The following PLEKHA2 variants were observed in gnomAD, a reference collection of about 807,000 sequenced individuals.
PLEKHA2 encodes the protein pleckstrin homology domain-containing family A member 2.
PLEKHA2 carries 28 observed loss-of-function variants against 53.2 expected under a neutral mutation model. That is an observed-to-expected ratio of 0.53 (90% CI 0.39 to 0.72). The LOEUF is 0.72. PLEKHA2 is among the 30% of genes least tolerant of loss of function. The pLI is 0.00. For synonymous variants in PLEKHA2, 193 were observed against 196.4 expected (o/e 0.98, Z 0.14); for missense variants, 426 against 537.9 (o/e 0.79, Z 2.06).
intron 2 of PLEKHA2, among the ~76,000 whole-genome samples, chr8:38,925,778 A>C (rs1181176850): frequency 6.6e-6 from 1 of 152,276 alleles, no homozygotes; most frequent in African/African-American, 2.4e-5. Flanking sequence ...ATAACACATA[A>C]TGTATAATGG....
In PLEKHA2 at chr8:38,952,337, T is replaced by C. The variant is rs548951623; in HGVS notation, c.633+25T>C. 1.1e-5 allele frequency: 17 copies of C among 1,608,334 alleles called. No homozygotes were observed. In the South Asian group the frequency reaches 1.4e-4, roughly 14 times the overall value. The stretch of plus-strand genomic sequence containing the variant: ...GGTGAGTGTCAGCACAGGGGCTGAA[T>C]TGGGGTTCTGGTGACTCCTCAGAGC... On this transcript the variant is annotated intron_variant, in intron 7 of 11. Transcript: ENST00000617275.
intron 2 of PLEKHA2, among the ~76,000 whole-genome samples, chr8:38,918,440 C>CATACCACACACACAT (rs1834105225): frequency 8.4e-6 from 1 of 119,042 alleles, no homozygotes. Context: ...ACCATACACA[C>CATACCACACACACAT]ACACAACCCA....
intron 2 of PLEKHA2, among the ~76,000 whole-genome samples, chr8:38,934,051 G>A (rs1417273745): frequency 6.6e-6 from 1 of 151,954 alleles, no homozygotes; most frequent in Non-Finnish European, 1.5e-5. Context: ...TTCAAGCGAT[G>A]TATGTTAATT....
At chr8:38,943,705 TTA>T (rs1272920543) in intron 3 of PLEKHA2, 82 bp from the exon 4 acceptor site, 1 of 1,082,144 alleles carries the variant, frequency 9.2e-7, no homozygotes, top group African/African-American at 1.6e-5. Flanking sequence ...AATGTACTCT[TTA>T]TATATGAGAA....
intron 11 of PLEKHA2, chr8:38,968,947 G>C (rs1835190860): frequency 2.7e-6 from 1 of 368,406 alleles, no homozygotes; most frequent in African/African-American, 2.2e-5. Flanking sequence ...CGCCCAGACT[G>C]GAGTGCAGTG....
At chr8:38,901,887 C>A (rs1280544743) in intron 1 of PLEKHA2, 5 of 152,372 alleles carry the variant, frequency 3.3e-5, no homozygotes, top group African/African-American at 1.2e-4. Flanking sequence ...CAGAGAACGT[C>A]CCCAGGCAAG....
At chr8:38,936,948 C>A (rs1376594914) in intron 3 of PLEKHA2, among the ~76,000 whole-genome samples, 5 of 152,356 alleles carry the variant, frequency 3.3e-5, no homozygotes, top group African/African-American at 1.2e-4. Context: ...CATCCCCTTT[C>A]ATCCTCAGGG....
chr8:38,911,468 C>T (rs1363711113), intron 1 of PLEKHA2, among the ~76,000 whole-genome samples: 3 of 152,138 alleles, frequency 2.0e-5, no homozygotes, highest in Non-Finnish European at 2.9e-5. Flanking sequence ...AACTCCTGAA[C>T]TCAAGTGATC....
intron 2 of PLEKHA2, among the ~76,000 whole-genome samples, chr8:38,928,236 C>CTTTTTTTTTTTT (rs11414317): frequency 3.6e-5 from 4 of 110,130 alleles, no homozygotes; most frequent in Non-Finnish European, 5.3e-5. Context: ...CTGACCTGGT[C>CTTTTTTTTTTTT]TTTTTTTTTT....
rs534982731 is a variant in PLEKHA2 at position 38,956,178 on chromosome 8, C to T, written c.774-1145C>T. Among the ~76,000 whole-genome samples, 13 of 152,296 alleles carry T rather than the reference C, an allele frequency of 8.5e-5. No individual in the cohort carries two copies. In the East Asian group the frequency reaches 2.3e-3, roughly 27 times the overall value. ...ATTCCCCGCAGTGGCTGGGGATATACGCGGCAGGCATTTAACACTGGGAAA... is the reference window on the plus strand; with the variant it reads ...ATTCCCCGCAGTGGCTGGGGATATATGCGGCAGGCATTTAACACTGGGAAA... On this transcript the variant is annotated intron_variant, in intron 9 of 11. Transcript: ENST00000617275.
chr8:38,951,425 A>G (rs1834837051), intron 6 of PLEKHA2, among the ~76,000 whole-genome samples: 1 of 151,652 alleles, frequency 6.6e-6, no homozygotes, highest in East Asian at 1.9e-4. Flanking sequence ...TGACAGAGAA[A>G]GGAAAGGTTT....
At position 38,943,800 on chromosome 8, in the gene PLEKHA2, T is replaced by C. The variant is rs772142843; in HGVS notation, c.210T>C (p.Ala70=). 2.5e-6 allele frequency: 4 copies of C among 1,577,452 alleles called. No homozygotes were observed. The highest frequency in any genetic ancestry group is 2.6e-6 in the Non-Finnish European group (3 of 1,160,952). The part of the protein sequence containing the change: ...QLTYISKVSI[A]TPKQKPKTPF... ...CTTATTTGATTTAGGTGAGCATAGCTACCCCAAAACAGAAACCAAAAACTC... is the reference window on the plus strand; with the variant it reads ...CTTATTTGATTTAGGTGAGCATAGCCACCCCAAAACAGAAACCAAAAACTC... The change falls in exon 4 of 12, where the codon GCT becomes GCC. Residue 70 remains alanine (A), a synonymous_variant. Transcript: ENST00000617275.
Position 38,936,065 on chromosome 8 carries a change from G to C in PLEKHA2, c.198+15G>C. On this transcript the variant is annotated intron_variant, in intron 3 of 11. Transcript: ENST00000617275. Reference sequence around the variant, plus strand: ...ACATCTCGAAGGTAATGTTGACCTGGAACTCTGGGAATTCATGCTCTGTAA... The same window carrying C: ...ACATCTCGAAGGTAATGTTGACCTGCAACTCTGGGAATTCATGCTCTGTAA... The C allele has an allele frequency of 6.2e-7, 1 of 1,611,804 alleles. No homozygotes were observed. Among genetic ancestry groups the C allele is most frequent in the Non-Finnish European group, 8.5e-7 (1 of 1,178,132 alleles).
intron 1 of PLEKHA2, among the ~76,000 whole-genome samples, chr8:38,907,986 G>T (rs911938938): frequency 6.6e-6 from 1 of 152,014 alleles, no homozygotes; most frequent in Non-Finnish European, 1.5e-5. Flanking sequence ...CTCCCCAATA[G>T]TTGTGACTAT....
At chr8:38,903,521 T>C (rs1833824446) in intron 1 of PLEKHA2, among the ~76,000 whole-genome samples, 1 of 152,190 alleles carries the variant, frequency 6.6e-6, no homozygotes, top group Admixed American at 6.5e-5. Flanking sequence ...CTTGAAGACA[T>C]GCAGGTTTTG....
chr8:38,938,650 G>T (rs2129419699), intron 3 of PLEKHA2, among the ~76,000 whole-genome samples: 2 of 152,306 alleles, frequency 1.3e-5, no homozygotes, highest in African/African-American at 4.8e-5. Flanking sequence ...GGGGACCTGT[G>T]CCCACTCCCT....
chr8:38,935,440 T>C (rs1834476007), intron 2 of PLEKHA2, among the ~76,000 whole-genome samples: 2 of 152,032 alleles, frequency 1.3e-5, no homozygotes, highest in Admixed American at 1.3e-4. Context: ...CTTTTTTTTT[T>C]TTTTTTAAGA....
intron 1 of PLEKHA2, among the ~76,000 whole-genome samples, chr8:38,915,050 G>C (rs868663590): frequency 6.6e-6 from 1 of 152,028 alleles, no homozygotes; most frequent in Admixed American, 6.6e-5. Context: ...GAGCTCAAGC[G>C]ATTCTCCTAC....
intron 1 of PLEKHA2, among the ~76,000 whole-genome samples, chr8:38,910,549 C>T (rs900616623): frequency 2.0e-5 from 3 of 152,126 alleles, no homozygotes; most frequent in African/African-American, 7.2e-5. Flanking sequence ...TGAGAACATT[C>T]AATATATGTA....
Sources: gnomAD v4.1 joint callset for allele counts (sites outside exome capture counted in the v4.1 genomes callset) on GRCh38, gnomAD v4.1.1 for gene constraint, MANE v1.5 for transcripts, NCBI Gene and HGNC (gene_info 2026-07-23, HGNC 2026-07-21) for gene names.